Variants in DCAF8L2 observed in about 807,000 individuals in gnomAD.
The protein encoded by DCAF8L2 is DDB1 and CUL4 associated factor 8 like 2, also known as DDB1- and CUL4-associated factor 8-like protein 2.
For synonymous variants in DCAF8L2, 200 were observed against 190.9 expected (o/e 1.05, Z -0.39); for missense variants, 430 against 490.7 (o/e 0.88, Z 1.17).
intron 3 of DCAF8L2, among the ~76,000 whole-genome samples, chrX:27,691,045 T>G (rs1236589692): frequency 9.0e-6 from 1 of 111,677 alleles, no homozygotes; most frequent in African/African-American, 3.2e-5. Context: ...TTTCTGTATT[T>G]CTCTGCACAT....
At chrX:27,478,087 T>C in the DCAF8L2 span, among the ~76,000 whole-genome samples, 1 of 111,226 alleles carries the variant, frequency 9.0e-6, no homozygotes, top group Non-Finnish European at 1.9e-5. Flanking sequence ...TTTTTAGGCT[T>C]GATATCCAAG....
chrX:27,651,284 T>C (rs1484335174), intron 2 of DCAF8L2, among the ~76,000 whole-genome samples: 1 of 110,796 alleles, frequency 9.0e-6, no homozygotes, highest in Non-Finnish European at 1.9e-5. Context: ...CTCCAGGTTT[T>C]GGTATCAGGG....
Position 27,653,725 on chromosome X carries a change from T to TACACACACACAC in DCAF8L2, c.-220+21751_-220+21762dup, listed in dbSNP as rs34651746. On this transcript the variant is annotated intron_variant, in intron 2 of 4. Coordinates refer to ENST00000451261, the MANE Select transcript of DCAF8L2 (RefSeq NM_001353450.2). ...TGCAGTGATAACACACAGATATGTA[T>TACACACACACAC]ACACACACACACACACACACACACA... Among the ~76,000 whole-genome samples the TACACACACACAC allele has an allele frequency of 4.3e-3, 398 of 92,061 alleles. 1 individual carries two copies. Among genetic ancestry groups the TACACACACACAC allele is most frequent in the African/African-American group, 0.013 (316 of 24,751 alleles). 79.9% of individuals were successfully genotyped at this position (92,061 alleles called of 115,157 possible). A position where few individuals can be genotyped will look rare whatever the true frequency, so the allele number is the denominator to read the frequency against.
chrX:27,686,402 TA>T (rs927144220), intron 3 of DCAF8L2, among the ~76,000 whole-genome samples: 6 of 110,145 alleles, frequency 5.4e-5, no homozygotes, highest in Admixed American at 1.9e-4. Context: ...TATTTGACTA[TA>T]AAAAAAATAA....
chrX:27,693,492 T>A (rs1254922250), intron 3 of DCAF8L2, among the ~76,000 whole-genome samples: 1 of 111,733 alleles, frequency 8.9e-6, no homozygotes, highest in Non-Finnish European at 1.9e-5. Flanking sequence ...GGTTTAATTT[T>A]AAAATAAGCA....
the DCAF8L2 span, among the ~76,000 whole-genome samples, chrX:27,527,852 A>G: frequency 9.2e-6 from 1 of 108,571 alleles, no homozygotes. Context: ...GGTTTTCACC[A>G]TGTTGGTCAG....
chrX:27,664,764 T>C (rs1052812588), intron 2 of DCAF8L2, among the ~76,000 whole-genome samples: 17 of 110,937 alleles, frequency 1.5e-4, no homozygotes, highest in African/African-American at 5.2e-4. Context: ...ATTCCTAAGA[T>C]CTTAGAGCCT....
chrX:27,662,646 G>T lies in DCAF8L2; in HGVS notation c.-219-15190G>T, dbSNP rs765909881. Reference sequence around the variant, plus strand: ...TGAATATTCTTTTACATATCTCTTCGTGCACATGTCTAATTGTTACCTCTA... The same window carrying T: ...TGAATATTCTTTTACATATCTCTTCTTGCACATGTCTAATTGTTACCTCTA... On this transcript the variant is annotated intron_variant, in intron 2 of 4. Transcript: ENST00000451261. Among the ~76,000 whole-genome samples the T allele has an allele frequency of 1.1e-4, 12 of 111,300 alleles. 1 individual carries two copies. In the South Asian group the frequency reaches 4.4e-3, roughly 41 times the overall value.
At chrX:27,587,975 T>TA (rs531576238), upstream of DCAF8L2, among the ~76,000 whole-genome samples, 179 of 25,493 alleles carry the variant, frequency 7.0e-3, 2 homozygotes, top group African/African-American at 0.015. Context: ...GTACTTCCAT[T>TA]AAAAAAAAAA....
At chrX:27,661,583 A>C (rs1929560677) in intron 2 of DCAF8L2, among the ~76,000 whole-genome samples, 1 of 111,947 alleles carries the variant, frequency 8.9e-6, no homozygotes, top group Non-Finnish European at 1.9e-5. Flanking sequence ...GGATTAATAT[A>C]TGCTTGTTAA....
intron 1 of DCAF8L2, among the ~76,000 whole-genome samples, chrX:27,602,324 C>G (rs1003953028): frequency 8.9e-6 from 1 of 111,776 alleles, no homozygotes; most frequent in Non-Finnish European, 1.9e-5. Flanking sequence ...AGTGAGCCAC[C>G]GCGCCTGGCT....
the DCAF8L2 span, among the ~76,000 whole-genome samples, chrX:27,533,781 G>A: frequency 3.6e-5 from 4 of 112,512 alleles, no homozygotes; most frequent in Non-Finnish European, 5.6e-5. Context: ...AAGGAAATGC[G>A]TGAGACAGAA....
chrX:27,746,088 G>C (rs2147346376), intron 4 of DCAF8L2, among the ~76,000 whole-genome samples: 1 of 111,861 alleles, frequency 8.9e-6, no homozygotes, highest in African/African-American at 3.2e-5. Context: ...GTTGATTTCA[G>C]CCTTCATTAC....
chrX:27,729,759 G>A (rs541523005), intron 4 of DCAF8L2, among the ~76,000 whole-genome samples: 1 of 112,009 alleles, frequency 8.9e-6, no homozygotes, highest in Middle Eastern at 4.6e-3. Context: ...ACCTAAAGCT[G>A]CTACCTCCTA....
the DCAF8L2 span, among the ~76,000 whole-genome samples, chrX:27,489,754 T>C: frequency 8.9e-6 from 1 of 112,470 alleles, no homozygotes; most frequent in Admixed American, 9.4e-5. Flanking sequence ...AAATATTACA[T>C]TCCCCTCACC....
intron 4 of DCAF8L2, among the ~76,000 whole-genome samples, chrX:27,720,372 A>AT (rs200192610): frequency 0.052 from 5,592 of 108,036 alleles, 363 homozygotes; most frequent in African/African-American, 0.18. Context: ...TATTATTATT[A>AT]TTATTTTTTT....
chrX:27,502,839 G>A, the DCAF8L2 span, among the ~76,000 whole-genome samples: 9 of 111,454 alleles, frequency 8.1e-5, no homozygotes, highest in Admixed American at 7.7e-4. Flanking sequence ...AAATAACTCG[G>A]AAATATAGGG....
chrX:27,540,499 T>C, the DCAF8L2 span, among the ~76,000 whole-genome samples: 2 of 111,473 alleles, frequency 1.8e-5, no homozygotes, highest in Non-Finnish European at 3.8e-5. Context: ...TGTTCTCACT[T>C]ATGTAGAAGC....
At chrX:27,483,692 C>T in the DCAF8L2 span, among the ~76,000 whole-genome samples, 20 of 111,088 alleles carry the variant, frequency 1.8e-4, no homozygotes, top group African/African-American at 5.9e-4. Context: ...TTCCTTGCTT[C>T]CTTCCCATTT....
Sources: allele counts gnomAD v4.1 joint callset (sites outside exome capture counted in the v4.1 genomes callset), GRCh38; gene constraint gnomAD v4.1.1; transcripts MANE v1.5; gene names NCBI Gene and HGNC (gene_info 2026-07-23, HGNC 2026-07-21).